Variants in IGSF3 observed in about 807,000 individuals in gnomAD.
The protein encoded by IGSF3 is immunoglobulin superfamily member 3.
Under a neutral mutation model 114.4 loss-of-function variants are expected in IGSF3, and 23 were observed. The observed-to-expected ratio is 0.20, with a 90% CI of 0.14 to 0.28. IGSF3 has a LOEUF of 0.28. IGSF3 is among the 10% of genes least tolerant of loss of function. The pLI is 1.00. For synonymous variants in IGSF3, 571 were observed against 645.2 expected (o/e 0.88, Z 1.74); for missense variants, 1,172 against 1,591.5 (o/e 0.74, Z 4.48).
intron 4 of IGSF3, among the ~76,000 whole-genome samples, chr1:116,609,909 C>T (rs1201757047): frequency 6.6e-6 from 1 of 152,158 alleles, no homozygotes; most frequent in African/African-American, 2.4e-5. Context: ...AGCCCCTCCC[C>T]CCGATATAGG....
intron 2 of IGSF3, among the ~76,000 whole-genome samples, chr1:116,652,747 T>C (rs2101072452): frequency 6.6e-6 from 1 of 152,328 alleles, no homozygotes; most frequent in African/African-American, 2.4e-5. Context: ...CAAGGAAAAA[T>C]GTCAGGGAAC....
At position 116,664,993 on chromosome 1, in the gene IGSF3, A is replaced by G. The variant is rs1404992986; in HGVS notation, c.43+1291T>C. 1.3e-5 allele frequency among the ~76,000 whole-genome samples: 2 copies of G among 152,240 alleles called. No individual in the cohort carries two copies. The highest frequency in any genetic ancestry group is 4.8e-5 in the African/African-American group (2 of 41,456). On this transcript the variant is annotated intron_variant, in intron 2 of 10. Transcript: ENST00000369486. This position sits in a 1 kb window ranked among gnomAD's most constrained non-coding sequence, Gnocchi z 4.6. ...CCCCAGTGATTCCAACATGCACACG[A>G]GAGTTTGAGAACCACTGATTGCACA... is the stretch of plus-strand genomic sequence containing the variant.
In IGSF3 at chr1:116,626,603, C is replaced by T. The variant is rs149366872; in HGVS notation, c.44-10146G>A. 2.4e-3 allele frequency among the ~76,000 whole-genome samples: 362 copies of T among 152,250 alleles called. 3 individuals carry two copies. In the Middle Eastern group the frequency reaches 0.034, roughly 14 times the overall value. On this transcript the variant is annotated intron_variant, in intron 2 of 10. Coordinates refer to ENST00000369486, the MANE Select transcript of IGSF3 (RefSeq NM_001007237.3). ...TCTCTTATCCATGACCATTGAAACC[C>T]CAGGGAAGACCTTATCACTTTCAGG... is the stretch of plus-strand genomic sequence containing the variant.
chr1:116,604,075 C>T (rs771385798), intron 5 of IGSF3, 50 bp from the exon 6 acceptor site: 110 of 1,405,810 alleles, frequency 7.8e-5, no homozygotes, highest in Non-Finnish European at 1.0e-4. Flanking sequence ...GTCTCCACAG[C>T]GCCCTCCCCA....
In IGSF3 at chr1:116,666,514, G is replaced by A. The variant is rs971377827; in HGVS notation, c.-188C>T. ...GTTGGGGGGAAGGGGAGGAGTGGAG[G>A]CAAGTGTGAAAACTCCCCTATGCTA... is the stretch of plus-strand genomic sequence containing the variant. On this transcript the variant is annotated 5_prime_UTR_variant, in exon 2 of 11. Coordinates refer to ENST00000369486, the MANE Select transcript of IGSF3 (RefSeq NM_001007237.3). 3.2e-6 allele frequency: 2 copies of A among 633,670 alleles called. No homozygotes were observed. The highest frequency in any genetic ancestry group is 2.7e-5 in the East Asian group (1 of 36,858). The allele number at this position is 633,670 out of a possible 1,614,324, so 39.3% of individuals were successfully genotyped here. A position where few individuals can be genotyped will look rare whatever the true frequency, so the allele number is the denominator to read the frequency against.
chr1:116,653,163 G>T (rs189101292), intron 2 of IGSF3, among the ~76,000 whole-genome samples: 1 of 152,200 alleles, frequency 6.6e-6, no homozygotes, highest in Non-Finnish European at 1.5e-5. Context: ...TAAGAGATTA[G>T]TTACTTAAAA....
chr1:116,650,799 A>G lies in IGSF3; in HGVS notation c.43+15485T>C, dbSNP rs1379610461. On this transcript the variant is annotated intron_variant, in intron 2 of 10. Transcript: ENST00000369486. The surrounding 1 kb of genome is among the most constrained non-coding windows in gnomAD (Gnocchi z 5.0). Reference sequence around the variant, plus strand: ...AGAGTGTGCATTATAATAGGGTGCTACAATTGGACATGTGTGCACAGAAAA... The same window carrying G: ...AGAGTGTGCATTATAATAGGGTGCTGCAATTGGACATGTGTGCACAGAAAA... Among the ~76,000 whole-genome samples the G allele has an allele frequency of 6.6e-6, 1 of 152,234 alleles. No homozygotes were observed. The highest frequency in any genetic ancestry group is 1.5e-5 in the Non-Finnish European group (1 of 68,042).
rs1659423403 is a variant in IGSF3 at position 116,577,964 on chromosome 1, T to C, written c.3335-402A>G. 6.6e-6 allele frequency among the ~76,000 whole-genome samples: 1 copy of C among 152,228 alleles called. No homozygotes were observed. Among genetic ancestry groups the C allele is most frequent in the Non-Finnish European group, 1.5e-5 (1 of 68,048 alleles). On this transcript the variant is annotated intron_variant, in intron 10 of 10. Coordinates refer to ENST00000369486, the MANE Select transcript of IGSF3 (RefSeq NM_001007237.3). The surrounding 1 kb of genome is among the most constrained non-coding windows in gnomAD (Gnocchi z 5.7). ...GCACTTAGTTCTGCTACAGACTTCC[T>C]TCTCTGGGATTATGACACAATCCCT...
Position 116,615,754 on chromosome 1 carries a change from C to T in IGSF3, c.421+326G>A, listed in dbSNP as rs142941630. ...CTCCTCTCTTCCAACTGATGTCATA[C>T]GTCTCATCTTCCTTGTCATTCAGAT... On this transcript the variant is annotated intron_variant, in intron 3 of 10. Coordinates refer to ENST00000369486, the MANE Select transcript of IGSF3 (RefSeq NM_001007237.3). This position sits in a 1 kb window ranked among gnomAD's most constrained non-coding sequence, Gnocchi z 4.3. Among the ~76,000 whole-genome samples, 1,990 of 152,318 alleles carry T rather than the reference C, an allele frequency of 0.013. 52 individuals carry two copies. Among genetic ancestry groups the T allele is most frequent in the African/African-American group, 0.045 (1,888 of 41,556 alleles).
rs1378300180 is a variant in IGSF3, at chr1:116,644,118, C to A, written c.43+22166G>T. 6.6e-6 allele frequency among the ~76,000 whole-genome samples: 1 copy of A among 152,200 alleles called. No individual in the cohort carries two copies. Among genetic ancestry groups the A allele is most frequent in the Non-Finnish European group, 1.5e-5 (1 of 68,040 alleles). On this transcript the variant is annotated intron_variant, in intron 2 of 10. Coordinates refer to ENST00000369486, the MANE Select transcript of IGSF3 (RefSeq NM_001007237.3). This position sits in a 1 kb window ranked among gnomAD's most constrained non-coding sequence, Gnocchi z 5.6. ...CAAAGAACACCTAATTATCAGTGGTCCCCACTCAGGAAACGTGCCCACAAA... is the reference window on the plus strand; with the variant it reads ...CAAAGAACACCTAATTATCAGTGGTACCCACTCAGGAAACGTGCCCACAAA...
Position 116,598,965 on chromosome 1 carries a change from G to A in IGSF3, c.2029+976C>T, listed in dbSNP as rs1176779871. Among the ~76,000 whole-genome samples the A allele has an allele frequency of 6.6e-6, 1 of 152,136 alleles. No individual in the cohort carries two copies. The highest frequency in any genetic ancestry group is 2.4e-5 in the African/African-American group (1 of 41,416). ...CCAAATTAATGCATCCTTATGATCC[G>A]CTTTGAGACAGACTCAGCCTCCATA... On this transcript the variant is annotated intron_variant, in intron 7 of 10. Transcript: ENST00000369486. The surrounding 1 kb of genome is among the most constrained non-coding windows in gnomAD (Gnocchi z 4.3).
Position 116,603,192 on chromosome 1 carries a change from G to A in IGSF3, c.1624+432C>T, listed in dbSNP as rs1571145085. Among the ~76,000 whole-genome samples, 2 of 152,252 alleles carry A rather than the reference G, an allele frequency of 1.3e-5. No homozygotes were observed. The highest frequency in any genetic ancestry group is 4.8e-5 in the African/African-American group (2 of 41,462). On this transcript the variant is annotated intron_variant, in intron 6 of 10. Coordinates refer to ENST00000369486, the MANE Select transcript of IGSF3 (RefSeq NM_001007237.3). The surrounding 1 kb of genome is among the most constrained non-coding windows in gnomAD (Gnocchi z 7.1). ...CTCTCTTTCAGGAAGGCTGGCCCCT[G>A]GGCAGCAGGGCAGGAAAGACATGCC...
chr1:116,596,022 T>C lies in IGSF3; in HGVS notation c.2029+3919A>G, dbSNP rs1374957301. On this transcript the variant is annotated intron_variant, in intron 7 of 10. Coordinates refer to ENST00000369486, the MANE Select transcript of IGSF3 (RefSeq NM_001007237.3). The surrounding 1 kb of genome is among the most constrained non-coding windows in gnomAD (Gnocchi z 4.1). ...TTGAAGATTCTGTTGGGGATATGCATATGCAACAGGAAGCACACACAGGGA... is the reference window on the plus strand; with the variant it reads ...TTGAAGATTCTGTTGGGGATATGCACATGCAACAGGAAGCACACACAGGGA... 6.6e-6 allele frequency among the ~76,000 whole-genome samples: 1 copy of C among 152,208 alleles called. No individual in the cohort carries two copies. Among genetic ancestry groups the C allele is most frequent in the Non-Finnish European group, 1.5e-5 (1 of 68,038 alleles).
intron 2 of IGSF3, among the ~76,000 whole-genome samples, chr1:116,621,437 C>T (rs1324323538): frequency 6.6e-6 from 1 of 152,188 alleles, no homozygotes; most frequent in Non-Finnish European, 1.5e-5. Context: ...GTAGGGATCA[C>T]AGGCATGAGC....
At chr1:116,641,991 A>G (rs1216792621) in intron 2 of IGSF3, among the ~76,000 whole-genome samples, 1 of 151,152 alleles carries the variant, frequency 6.6e-6, no homozygotes, top group African/African-American at 2.4e-5. Flanking sequence ...AGTGTCTCGA[A>G]CTCCTGGGCT....
At position 116,584,144 on chromosome 1, in the gene IGSF3, G is replaced by A. The variant is rs776995508; in HGVS notation, c.2848+501C>T. Among the ~76,000 whole-genome samples the A allele has an allele frequency of 4.6e-5, 7 of 151,870 alleles. No homozygotes were observed. Among genetic ancestry groups the A allele is most frequent in the Non-Finnish European group, 7.4e-5 (5 of 67,966 alleles). ...GCGGAGGTTGCAGTGAGCCGAGATC[G>A]CACCACTGCACTCTGCACTCCAGCC... On this transcript the variant is annotated intron_variant, in intron 9 of 10. Coordinates refer to ENST00000369486, the MANE Select transcript of IGSF3 (RefSeq NM_001007237.3). This position sits in a 1 kb window ranked among gnomAD's most constrained non-coding sequence, Gnocchi z 5.8.
At chr1:116,639,851 C>T (rs1044897433) in intron 2 of IGSF3, among the ~76,000 whole-genome samples, 9 of 151,826 alleles carry the variant, frequency 5.9e-5, no homozygotes, top group Non-Finnish European at 1.2e-4. Context: ...CTGGCCAACA[C>T]GGTGAAACCC....
chr1:116,658,022 T>C (rs571843154), intron 2 of IGSF3, among the ~76,000 whole-genome samples: 4 of 151,948 alleles, frequency 2.6e-5, no homozygotes, highest in South Asian at 4.1e-4. Flanking sequence ...GCTCTGATTA[T>C]GGTTTTTTTT....
rs1648626629 is a variant in IGSF3 at position 116,651,306 on chromosome 1, T to C, written c.43+14978A>G. On this transcript the variant is annotated intron_variant, in intron 2 of 10. Coordinates refer to ENST00000369486, the MANE Select transcript of IGSF3 (RefSeq NM_001007237.3). The surrounding 1 kb of genome is among the most constrained non-coding windows in gnomAD (Gnocchi z 4.4). ...CTATCCCTGCCTTCCATCTTAGCTT[T>C]CCAGCATACTCTTCCCAGGTTCTTT... 6.6e-6 allele frequency among the ~76,000 whole-genome samples: 1 copy of C among 152,214 alleles called. No individual in the cohort carries two copies. The highest frequency in any genetic ancestry group is 2.1e-4 in the South Asian group (1 of 4,832).
Sources: gnomAD v4.1 joint callset for allele counts (sites outside exome capture counted in the v4.1 genomes callset) on GRCh38, gnomAD v4.1.1 for gene constraint, Gnocchi (gnomAD v3.1) non-coding constraint, MANE v1.5 for transcripts, NCBI Gene and HGNC (gene_info 2026-07-23, HGNC 2026-07-21) for gene names.